LRRK2: variants seen among roughly 807,000 people sequenced by gnomAD.
LRRK2 encodes leucine-rich repeat serine/threonine-protein kinase 2.
In LRRK2, 203 loss-of-function variants were observed where a neutral mutation model predicts 302.6. The observed-to-expected ratio is 0.67, with a 90% CI of 0.60 to 0.75. LRRK2 has a LOEUF of 0.75. Ranked by LOEUF, LRRK2 falls within the 30% of genes least tolerant of loss-of-function variation. LRRK2 has a pLI of 0.00. For missense variants in LRRK2, 2,830 were observed against 2,951.0 expected, an observed-to-expected ratio of 0.96 and a Z score of 0.95; for synonymous variants, 1,066 against 1,031.9, an observed-to-expected ratio of 1.03 and a Z score of -0.63.
intron 20 of LRRK2, among the ~76,000 whole-genome samples, chr12:40,289,222 G>A (rs1159990027): frequency 6.6e-6 from 1 of 151,428 alleles, no homozygotes; most frequent in African/African-American, 2.4e-5. Flanking sequence ...GACTATTTAG[G>A]TATGGTTCTA....
intron 48 of LRRK2, 111 bp from the exon 49 acceptor site, chr12:40,364,731 G>T: frequency 1.1e-6 from 1 of 909,298 alleles, no homozygotes; most frequent in Non-Finnish European, 1.7e-6. Context: ...ATGCATAATG[G>T]TGGTGGTGTC....
At chr12:40,266,648 G>A (rs1372918859) in intron 14 of LRRK2, among the ~76,000 whole-genome samples, 1 of 152,156 alleles carries the variant, frequency 6.6e-6, no homozygotes, top group Non-Finnish European at 1.5e-5. Flanking sequence ...CATCCTGTTA[G>A]TGGGTATATA....
At chr12:40,307,847 T>C (rs1944884418) in intron 28 of LRRK2, among the ~76,000 whole-genome samples, 1 of 147,488 alleles carries the variant, frequency 6.8e-6, no homozygotes. Context: ...AGTGGCCTGA[T>C]CTTGGCTCAC....
chr12:40,280,252 C>A (rs1363543254), intron 18 of LRRK2, among the ~76,000 whole-genome samples: 2 of 150,620 alleles, frequency 1.3e-5, no homozygotes, highest in Admixed American at 6.6e-5. Flanking sequence ...GAGTTCGAGA[C>A]CAACTTGAGA....
intron 43 of LRRK2, 111 bp from the exon 44 acceptor site, chr12:40,351,428 C>A: frequency 1.1e-6 from 1 of 931,988 alleles, no homozygotes; most frequent in Non-Finnish European, 1.7e-6. Flanking sequence ...TCCAGTTTAA[C>A]AGTTTTAGGT....
chr12:40,236,420 A>G (rs1344885712), intron 4 of LRRK2, among the ~76,000 whole-genome samples: 1 of 152,188 alleles, frequency 6.6e-6, no homozygotes, highest in African/African-American at 2.4e-5. Flanking sequence ...TCCCTGAGAA[A>G]ACTTTGGCCT....
At position 40,274,575 on chromosome 12, in the gene LRRK2, G is replaced by A. The variant is rs559325648; in HGVS notation, c.1657-8G>A. On this transcript the variant is annotated splice_region_variant and splice_polypyrimidine_tract_variant and intron_variant, in intron 14 of 50. Coordinates refer to ENST00000298910, the MANE Select transcript of LRRK2 (RefSeq NM_198578.4). ...CATTTTTAACAGCGAGTATTCTTTT[G>A]ATTTTAGTTCATTGGAAATCCTGGG... is the stretch of plus-strand genomic sequence containing the variant. 33 of 1,613,320 alleles carry A rather than the reference G, an allele frequency of 2.0e-5. No individual in the cohort carries two copies. The South Asian group carries it at 3.3e-4, about 16-fold the overall frequency.
chr12:40,359,237 G>A, intron 46 of LRRK2, 23 bp from the exon 47 acceptor site: 2 of 1,502,108 alleles, frequency 1.3e-6, no homozygotes, highest in African/African-American at 1.7e-5. Context: ...TGCTGAGTGT[G>A]TTTTCTTTTT....
At chr12:40,362,129 C>T (rs544342277) in intron 47 of LRRK2, among the ~76,000 whole-genome samples, 8 of 151,950 alleles carry the variant, frequency 5.3e-5, no homozygotes, top group Middle Eastern at 3.4e-3. Context: ...TTATAAAATA[C>T]GGAAATTCCA....
intron 31 of LRRK2, among the ~76,000 whole-genome samples, chr12:40,311,851 T>C (rs1231136513): frequency 6.6e-6 from 1 of 152,188 alleles, no homozygotes; most frequent in African/African-American, 2.4e-5. Flanking sequence ...TGACATATTA[T>C]TTATTTGTAG....
At chr12:40,236,721 A>C (rs1390284764) in intron 4 of LRRK2, among the ~76,000 whole-genome samples, 1 of 152,174 alleles carries the variant, frequency 6.6e-6, no homozygotes, top group African/African-American at 2.4e-5. Context: ...ACCATGCTGG[A>C]GAAAGAGGAA....
chr12:40,357,176 G>A lies in LRRK2; in HGVS notation c.6843+989G>A, dbSNP rs560159819. On this transcript the variant is annotated intron_variant, in intron 46 of 50. Coordinates refer to ENST00000298910, the MANE Select transcript of LRRK2 (RefSeq NM_198578.4). The stretch of plus-strand genomic sequence containing the variant: ...ACTTTTTTAGCTCCCACATATGAGT[G>A]AGTACATGTGATATTTGTCTTTCTG... Among the ~76,000 whole-genome samples the A allele has an allele frequency of 1.2e-3, 188 of 152,216 alleles. 1 individual carries two copies. Among genetic ancestry groups the A allele is most frequent in the African/African-American group, 4.0e-3 (168 of 41,530 alleles).
rs1304829394 is a variant in LRRK2, at chr12:40,359,233, G to A, written c.6844-27G>A. On this transcript the variant is annotated intron_variant, in intron 46 of 50. Transcript: ENST00000298910. Reference sequence around the variant, plus strand: ...GTTCTGTGGATACTCAATTTGCTGAGTGTGTTTTCTTTTTTTTTTGGCAAA... The same window carrying A: ...GTTCTGTGGATACTCAATTTGCTGAATGTGTTTTCTTTTTTTTTTGGCAAA... 1.9e-6 allele frequency: 3 copies of A among 1,540,112 alleles called. No individual in the cohort carries two copies. The African/African-American group carries it at 4.6e-5, about 24-fold the overall frequency.
chr12:40,305,520 T>C, intron 27 of LRRK2, among the ~76,000 whole-genome samples: 1 of 152,182 alleles, frequency 6.6e-6, no homozygotes, highest in Non-Finnish European at 1.5e-5. Flanking sequence ...AGATGAAGTA[T>C]GTTACCAAAG....
intron 5 of LRRK2, 44 bp from the exon 6 acceptor site, chr12:40,240,439 T>C: frequency 6.4e-7 from 1 of 1,570,766 alleles, no homozygotes; most frequent in Non-Finnish European, 8.7e-7. Context: ...TAAACTTTCA[T>C]ATCATCTTTA....
intron 6 of LRRK2, among the ~76,000 whole-genome samples, chr12:40,241,220 A>G (rs753180007): frequency 3.3e-5 from 5 of 152,202 alleles, no homozygotes; most frequent in African/African-American, 4.8e-5. Context: ...TTTCATTGAC[A>G]GAGGCAAGGG....
At position 40,308,654 on chromosome 12, in the gene LRRK2, AAAAG is replaced by A; in HGVS notation, c.4153_4156del (p.Lys1385GlufsTer5). 6.2e-7 allele frequency: 1 copy of A among 1,613,994 alleles called. No individual in the cohort carries two copies. Among genetic ancestry groups the A allele is most frequent in the Non-Finnish European group, 8.5e-7 (1 of 1,179,932 alleles). Reference sequence around the variant, plus strand: ...AGACTGGCCTATCCAAATAAGAGACAAAAGAAAGAGAGATCTCGTCCTAAATGTG... The same window carrying A: ...AGACTGGCCTATCCAAATAAGAGACAAAAGAGAGATCTCGTCCTAAATGTG... On this transcript the variant is annotated frameshift_variant, in exon 29 of 51. Coordinates refer to ENST00000298910, the MANE Select transcript of LRRK2 (RefSeq NM_198578.4). LOFTEE classifies it high-confidence loss of function.
At chr12:40,356,535 C>T (rs1946545291) in intron 46 of LRRK2, among the ~76,000 whole-genome samples, 1 of 152,070 alleles carries the variant, frequency 6.6e-6, no homozygotes, top group Admixed American at 6.5e-5. Flanking sequence ...TATGGCTTGC[C>T]ATTAACTTTT....
At chr12:40,316,419 T>A (rs1945223407) in intron 33 of LRRK2, 1 of 839,022 alleles carries the variant, frequency 1.2e-6, no homozygotes, top group African/African-American at 1.8e-5. Flanking sequence ...TATTTTTAAA[T>A]TAGATTTTCA....
Sources: allele counts gnomAD v4.1 joint callset (sites outside exome capture counted in the v4.1 genomes callset), GRCh38; gene constraint gnomAD v4.1.1; transcripts MANE v1.5; gene names NCBI Gene and HGNC (gene_info 2026-07-23, HGNC 2026-07-21).